The following CERS4 variants were observed in gnomAD, a reference collection of about 807,000 sequenced individuals.
CERS4 encodes ceramide synthase 4, also known as LAG1 homolog, ceramide synthase 4.
In CERS4, 65 loss-of-function variants were observed where a neutral mutation model predicts 51.8. The observed-to-expected ratio is 1.26, with a 90% CI of 1.03 to 1.54. The LOEUF (loss-of-function observed/expected upper bound fraction) is 1.54, where lower values mean the gene tolerates loss of function less well. Among genes scored for constraint, CERS4 ranks in the 40% most tolerant of loss-of-function variants. CERS4 has a pLI of 0.00. For missense variants in CERS4, 563 were observed against 500.4 expected (o/e 1.13, Z -1.19); for synonymous variants, 228 against 208.4 (o/e 1.09, Z -0.81).
At chr19:8,261,645 C>A in intron 10 of CERS4, 43 bp from the exon 11 acceptor site, 2 of 1,608,640 alleles carry the variant, frequency 1.2e-6, no homozygotes, top group Non-Finnish European at 1.7e-6. Flanking sequence ...GGGGCTACAG[C>A]GGCTGGTCAA....
At chr19:8,228,274 G>A (rs1222677588) in intron 2 of CERS4, among the ~76,000 whole-genome samples, 2 of 152,094 alleles carry the variant, frequency 1.3e-5, no homozygotes, top group Non-Finnish European at 2.9e-5. Context: ...GGAGCTGGAT[G>A]GTGGTTATGG....
Position 8,255,894 on chromosome 19 carries a change from G to T in CERS4, c.468+15G>T. 6.2e-7 allele frequency: 1 copy of T among 1,613,464 alleles called. No homozygotes were observed. The highest frequency in any genetic ancestry group is 8.5e-7 in the Non-Finnish European group (1 of 1,179,848). ...TCCTGTACCACGTGAGTATACCAGA[G>T]TATAGCTGACTGCTCACCTGCCCCA... On this transcript the variant is annotated intron_variant, in intron 6 of 11. Coordinates refer to ENST00000251363, the MANE Select transcript of CERS4 (RefSeq NM_024552.3).
intron 2 of CERS4, among the ~76,000 whole-genome samples, chr19:8,229,388 C>A (rs1293528600): frequency 8.9e-6 from 1 of 112,500 alleles, no homozygotes; most frequent in Non-Finnish European, 1.8e-5. Context: ...CTTCTTCTTT[C>A]TTCTTTTTTC....
rs983057256 is a variant in CERS4 at position 8,256,136 on chromosome 19, G to C, written c.469-100G>C. The C allele has an allele frequency of 4.7e-6, 6 of 1,268,728 alleles. No individual in the cohort carries two copies. The African/African-American group carries it at 8.9e-5, about 19-fold the overall frequency. 78.6% of individuals were successfully genotyped at this position (1,268,728 alleles called of 1,614,324 possible). A position where few individuals can be genotyped will look rare whatever the true frequency, so the allele number is the denominator to read the frequency against. On this transcript the variant is annotated intron_variant, in intron 6 of 11. Transcript: ENST00000251363. Reference sequence around the variant, plus strand: ...GAAAAAGCAGGGCTGGGTGAAGGTAGCATCTATGTGACTGTGGAAGGAGAA... The same window carrying C: ...GAAAAAGCAGGGCTGGGTGAAGGTACCATCTATGTGACTGTGGAAGGAGAA...
chr19:8,228,007 G>A (rs952281821), intron 2 of CERS4, among the ~76,000 whole-genome samples: 13 of 151,946 alleles, frequency 8.6e-5, no homozygotes, highest in Admixed American at 4.6e-4. Context: ...GATTACAGGC[G>A]CCCGCCACCA....
intron 2 of CERS4, among the ~76,000 whole-genome samples, chr19:8,232,049 C>T (rs1040564945): frequency 6.6e-6 from 1 of 150,754 alleles, no homozygotes; most frequent in Non-Finnish European, 1.5e-5. Context: ...AAGCTGGTCT[C>T]AAACTCCTAG....
At chr19:8,211,650 G>A (rs989409965) in intron 2 of CERS4, among the ~76,000 whole-genome samples, 39 of 152,160 alleles carry the variant, frequency 2.6e-4, no homozygotes, top group African/African-American at 8.9e-4. Context: ...CCAGCACTTT[G>A]GGAAGCTGAG....
intron 2 of CERS4, among the ~76,000 whole-genome samples, chr19:8,233,043 CTT>C (rs565490719): frequency 6.6e-6 from 1 of 151,400 alleles, no homozygotes; most frequent in South Asian, 2.1e-4. Flanking sequence ...CAGCCTGAAT[CTT>C]TTTATTTTAT....
chr19:8,233,967 A>G (rs1015477077), intron 2 of CERS4, among the ~76,000 whole-genome samples: 66 of 150,828 alleles, frequency 4.4e-4, no homozygotes, highest in Admixed American at 2.5e-3. Flanking sequence ...TTGCAGTTAG[A>G]TAGCACCACT....
At chr19:8,218,505 A>C (rs948666172) in intron 2 of CERS4, among the ~76,000 whole-genome samples, 2 of 152,142 alleles carry the variant, frequency 1.3e-5, no homozygotes, top group East Asian at 3.9e-4. Flanking sequence ...AGAACCTCGG[A>C]GTCAGGGTGG....
At chr19:8,251,039 T>C (rs1483312980) in intron 2 of CERS4, 37 bp from the exon 3 acceptor site, 1 of 1,540,648 alleles carries the variant, frequency 6.5e-7, no homozygotes, top group Non-Finnish European at 8.8e-7. Context: ...CCATTCTGCT[T>C]GCAGACCTCC....
At chr19:8,245,122 A>AAAAAAAAAAAAAAACAAAAAAAAAC (rs1968713804) in intron 2 of CERS4, among the ~76,000 whole-genome samples, 7 of 129,252 alleles carry the variant, frequency 5.4e-5, no homozygotes, top group African/African-American at 6.4e-5. Context: ...AAAAAAAAAA[A>AAAAAAAAAAAAAAACAAAAAAAAAC]AAAAAAAAAA....
At position 8,255,893 on chromosome 19, in the gene CERS4, A is replaced by G; in HGVS notation, c.468+14A>G. On this transcript the variant is annotated intron_variant, in intron 6 of 11. Transcript: ENST00000251363. ...GTCCTGTACCACGTGAGTATACCAG[A>G]GTATAGCTGACTGCTCACCTGCCCC... is the stretch of plus-strand genomic sequence containing the variant. 6.2e-7 allele frequency: 1 copy of G among 1,613,410 alleles called. No individual in the cohort carries two copies. The highest frequency in any genetic ancestry group is 8.5e-7 in the Non-Finnish European group (1 of 1,179,830).
chr19:8,260,261 C>T (rs1382234485), intron 10 of CERS4, among the ~76,000 whole-genome samples: 1 of 151,618 alleles, frequency 6.6e-6, no homozygotes, highest in African/African-American at 2.4e-5. Flanking sequence ...ATGGCGTGAT[C>T]TCAGCCCACC....
intron 10 of CERS4, among the ~76,000 whole-genome samples, chr19:8,259,251 G>A (rs1969554122): frequency 6.6e-6 from 1 of 152,184 alleles, no homozygotes; most frequent in African/African-American, 2.4e-5. Flanking sequence ...AGGGAGGTGA[G>A]GGACAGAACC....
At chr19:8,255,987 C>A in intron 6 of CERS4, 108 bp downstream of exon 6, 1 of 1,261,468 alleles carries the variant, frequency 7.9e-7, no homozygotes, top group Non-Finnish European at 1.1e-6. Flanking sequence ...AAACATGCAG[C>A]TGAGGAGAGA....
At chr19:8,261,519 G>T in intron 10 of CERS4, 169 bp from the exon 11 acceptor site, 1 of 701,306 alleles carries the variant, frequency 1.4e-6, no homozygotes, top group Non-Finnish European at 2.4e-6. Flanking sequence ...ACAAGCGAGA[G>T]GGGGCCTCGC....
At chr19:8,245,376 G>A (rs1245477090) in intron 2 of CERS4, among the ~76,000 whole-genome samples, 1 of 151,670 alleles carries the variant, frequency 6.6e-6, no homozygotes. Context: ...TCTGCCTCAC[G>A]AGTAGCTAGG....
intron 2 of CERS4, among the ~76,000 whole-genome samples, chr19:8,223,911 C>T (rs142974377): frequency 0.021 from 3,153 of 151,056 alleles, 53 homozygotes; most frequent in Non-Finnish European, 0.034. Flanking sequence ...CCAGCCTGAC[C>T]AACATGGTAA....
Sources: gnomAD v4.1 joint callset for allele counts (sites outside exome capture counted in the v4.1 genomes callset) on GRCh38, gnomAD v4.1.1 for gene constraint, MANE v1.5 for transcripts, NCBI Gene and HGNC (gene_info 2026-07-23, HGNC 2026-07-21) for gene names.